Variants in KCNMB2 observed in about 807,000 individuals in gnomAD.
The protein encoded by KCNMB2 is calcium-activated potassium channel subunit beta-2.
KCNMB2 carries 9 observed loss-of-function variants against 24.5 expected under a neutral mutation model. The ratio of observed to expected loss-of-function variants is 0.37; its 90% CI spans 0.22 to 0.64. The LOEUF (loss-of-function observed/expected upper bound fraction) is 0.64. Ranked by LOEUF, KCNMB2 falls within the 30% of genes least tolerant of loss-of-function variation. The pLI is 0.63. For synonymous variants in KCNMB2, 109 were observed against 104.4 expected, an observed-to-expected ratio of 1.04 and a Z score of -0.27; for missense variants, 226 against 284.3, an observed-to-expected ratio of 0.79 and a Z score of 1.47.
chr3:178,652,363 T>C (rs1228987637), intron 1 of KCNMB2, among the ~76,000 whole-genome samples: 1 of 152,088 alleles, frequency 6.6e-6, no homozygotes, highest in Non-Finnish European at 1.5e-5. Flanking sequence ...AAATACCTAA[T>C]GTAGGTGACA....
intron 4 of KCNMB2, among the ~76,000 whole-genome samples, chr3:178,832,352 A>C (rs1251619611): frequency 4.4e-5 from 1 of 22,948 alleles, no homozygotes; most frequent in Non-Finnish European, 8.5e-5. Context: ...GGCCTATTTT[A>C]AAGATTATTT....
chr3:178,701,844 G>T (rs1447785357), intron 1 of KCNMB2, among the ~76,000 whole-genome samples: 1 of 152,186 alleles, frequency 6.6e-6, no homozygotes, highest in Non-Finnish European at 1.5e-5. Context: ...TTCAACCATT[G>T]TGGAAGACAG....
At position 178,782,567 on chromosome 3, in the gene KCNMB2, T is replaced by C. The variant is rs1344005625; in HGVS notation, c.-67-24776T>C. On this transcript the variant is annotated intron_variant, in intron 1 of 4. Coordinates refer to ENST00000452583, the MANE Select transcript of KCNMB2 (RefSeq NM_181361.3). ...TGATGATGAGCATTTTTTCATGTGT[T>C]TTTTGGCTGCATAAATGTCTTCTTT... Among the ~76,000 whole-genome samples, 3 of 146,972 alleles carry C rather than the reference T, an allele frequency of 2.0e-5. No homozygotes were observed. In the South Asian group the frequency reaches 6.7e-4, roughly 33 times the overall value.
intron 1 of KCNMB2, among the ~76,000 whole-genome samples, chr3:178,691,348 C>T (rs1721669705): frequency 6.7e-6 from 1 of 149,808 alleles, no homozygotes; most frequent in Admixed American, 6.6e-5. Context: ...CTTATTTCAT[C>T]ACTGAGTTAT....
chr3:178,741,417 T>A (rs1723492115), intron 1 of KCNMB2, among the ~76,000 whole-genome samples: 1 of 152,216 alleles, frequency 6.6e-6, no homozygotes, highest in Non-Finnish European at 1.5e-5. Context: ...CTCTTGTTTT[T>A]CTTTTTTCCA....
At chr3:178,629,777 T>A (rs1350091037) in intron 1 of KCNMB2, among the ~76,000 whole-genome samples, 1 of 152,182 alleles carries the variant, frequency 6.6e-6, no homozygotes, top group Non-Finnish European at 1.5e-5. Context: ...TTTGTGCTCA[T>A]GGAAATGAAT....
At chr3:178,772,952 A>G (rs985645603) in intron 1 of KCNMB2, among the ~76,000 whole-genome samples, 7 of 151,898 alleles carry the variant, frequency 4.6e-5, no homozygotes, top group Admixed American at 3.3e-4. Flanking sequence ...TATTCACCCC[A>G]TTTGCCTCTG....
chr3:178,592,906 CTT>C (rs1320743660), intron 1 of KCNMB2, among the ~76,000 whole-genome samples: 1 of 152,034 alleles, frequency 6.6e-6, no homozygotes, highest in East Asian at 1.9e-4. Flanking sequence ...TCGTGTGACT[CTT>C]TTGCTTTAAC....
At chr3:178,807,787 C>T (rs1368027905) in intron 2 of KCNMB2, among the ~76,000 whole-genome samples, 2 of 152,154 alleles carry the variant, frequency 1.3e-5, no homozygotes, top group African/African-American at 2.4e-5. Flanking sequence ...ACCAAACAGA[C>T]TATGTTGTTG....
intron 1 of KCNMB2, among the ~76,000 whole-genome samples, chr3:178,770,481 C>A (rs1226351257): frequency 6.6e-6 from 1 of 152,182 alleles, no homozygotes; most frequent in African/African-American, 2.4e-5. Flanking sequence ...TGTATGAAGG[C>A]CAGGAAACAG....
chr3:178,581,547 C>G (rs1421012693), intron 1 of KCNMB2, among the ~76,000 whole-genome samples: 1 of 152,108 alleles, frequency 6.6e-6, no homozygotes, highest in Non-Finnish European at 1.5e-5. Flanking sequence ...AGCTTCTGCA[C>G]AGCAAAAGAA....
intron 4 of KCNMB2, among the ~76,000 whole-genome samples, chr3:178,832,066 T>C (rs189441616): frequency 8.5e-5 from 13 of 152,322 alleles, no homozygotes; most frequent in African/African-American, 3.1e-4. Context: ...TGGATCCACA[T>C]TTTTCCATTT....
intron 1 of KCNMB2, among the ~76,000 whole-genome samples, chr3:178,692,928 G>A (rs544959486): frequency 6.6e-5 from 10 of 152,220 alleles, no homozygotes; most frequent in African/African-American, 2.4e-4. Context: ...ATTTATTTGA[G>A]CCATGTTTTG....
intron 1 of KCNMB2, among the ~76,000 whole-genome samples, chr3:178,663,721 C>T (rs1212811442): frequency 6.6e-6 from 1 of 152,166 alleles, no homozygotes; most frequent in Non-Finnish European, 1.5e-5. Flanking sequence ...AGTATTACCT[C>T]ATTTTGTATA....
chr3:178,614,092 A>C (rs945734517), intron 1 of KCNMB2, among the ~76,000 whole-genome samples: 1 of 149,652 alleles, frequency 6.7e-6, no homozygotes, highest in African/African-American at 2.5e-5. Flanking sequence ...TATTAAAAGA[A>C]TCTAGTGCAT....
intron 1 of KCNMB2, among the ~76,000 whole-genome samples, chr3:178,572,305 G>T (rs1055986951): frequency 6.6e-6 from 1 of 152,130 alleles, no homozygotes; most frequent in African/African-American, 2.4e-5. Flanking sequence ...TACATAGAAT[G>T]CATGACTACC....
chr3:178,679,376 G>A (rs530637677), intron 1 of KCNMB2, among the ~76,000 whole-genome samples: 1 of 152,258 alleles, frequency 6.6e-6, no homozygotes, highest in Admixed American at 6.5e-5. Context: ...GACTACAGGT[G>A]CATGCCACCA....
intron 1 of KCNMB2, among the ~76,000 whole-genome samples, chr3:178,672,400 G>A (rs557133769): frequency 1.3e-5 from 2 of 152,150 alleles, no homozygotes; most frequent in Non-Finnish European, 2.9e-5. Context: ...TCAGACTTCA[G>A]AATCAGTGTT....
chr3:178,568,824 AG>A (rs1289719540), intron 1 of KCNMB2, among the ~76,000 whole-genome samples: 2,357 of 85,224 alleles, frequency 0.028, 137 homozygotes, highest in South Asian at 0.044. Flanking sequence ...GATAATAGAT[AG>A]ATAGATGATA....
Sources: gnomAD v4.1 joint callset for allele counts (sites outside exome capture counted in the v4.1 genomes callset) on GRCh38, gnomAD v4.1.1 for gene constraint, MANE v1.5 for transcripts, NCBI Gene and HGNC (gene_info 2026-07-23, HGNC 2026-07-21) for gene names.